MAST4: variants seen among roughly 807,000 people sequenced by gnomAD.
MAST4 encodes the protein microtubule-associated serine/threonine-protein kinase 4.
A neutral mutation model predicts 162.7 loss-of-function variants in MAST4; 89 were observed. The ratio of observed to expected loss-of-function variants is 0.55; its 90% CI spans 0.46 to 0.65. The LOEUF is 0.65. Ranked by LOEUF, MAST4 falls within the 30% of genes least tolerant of loss-of-function variation. The pLI, the probability that MAST4 is intolerant of heterozygous loss-of-function variation, is 0.00. For synonymous variants in MAST4, 1,479 were observed against 1,361.1 expected, an observed-to-expected ratio of 1.09 and a Z score of -1.91; for missense variants, 3,153 against 3,374.0, an observed-to-expected ratio of 0.93 and a Z score of 1.62.
At chr5:66,870,671 C>T (rs1238645713) in intron 3 of MAST4, 17 of 397,368 alleles carry the variant, frequency 4.3e-5, no homozygotes, top group South Asian at 1.5e-4. Context: ...AATACAGTGC[C>T]GTTAAACACT....
intron 1 of MAST4, among the ~76,000 whole-genome samples, chr5:66,615,841 C>T (rs1296149293): frequency 1.3e-5 from 2 of 152,194 alleles, no homozygotes; most frequent in Non-Finnish European, 2.9e-5. Flanking sequence ...TCCAGACAGA[C>T]TGAAAAGGAT....
At chr5:67,092,294 G>A (rs1419658724) in intron 6 of MAST4, among the ~76,000 whole-genome samples, 2 of 152,162 alleles carry the variant, frequency 1.3e-5, no homozygotes, top group Non-Finnish European at 2.9e-5. Context: ...TACCTTATGT[G>A]ATAATACTTC....
At chr5:66,716,186 C>G (rs1009083110) in intron 1 of MAST4, among the ~76,000 whole-genome samples, 1 of 152,002 alleles carries the variant, frequency 6.6e-6, no homozygotes, top group Non-Finnish European at 1.5e-5. Context: ...GAAGGTTGTT[C>G]ATGTATTTTA....
At position 66,905,302 on chromosome 5, in the gene MAST4, CAAAAAAAAA is replaced by C. The variant is rs60337775; in HGVS notation, c.674+5338_674+5346del. ...TGGGCAACAGAGTGAAACTCTGTCT[CAAAAAAAAA>C]AAAAAAAAAAAAAAAAATGGGATAT... On this transcript the variant is annotated intron_variant, in intron 4 of 28. Coordinates refer to ENST00000403625, the MANE Select transcript of MAST4 (RefSeq NM_001164664.2). Among the ~76,000 whole-genome samples the C allele has an allele frequency of 1.7e-4, 13 of 78,448 alleles. No individual in the cohort carries two copies. The South Asian group carries it at 2.2e-3, about 13-fold the overall frequency. The allele number at this position is 78,448 out of a possible 152,430, so 51.5% of individuals were successfully genotyped here.
At chr5:67,093,085 T>C (rs1200465486) in intron 6 of MAST4, among the ~76,000 whole-genome samples, 2 of 152,204 alleles carry the variant, frequency 1.3e-5, no homozygotes, top group Non-Finnish European at 2.9e-5. Context: ...AATAGCCAGG[T>C]TGATACTGGA....
At chr5:66,761,593 G>C (rs537535706) in intron 2 of MAST4, among the ~76,000 whole-genome samples, 153 of 146,856 alleles carry the variant, frequency 1.0e-3, no homozygotes, top group South Asian at 4.3e-3. Flanking sequence ...TATGGATTTT[G>C]ACGTTTTGAA....
intron 3 of MAST4, among the ~76,000 whole-genome samples, chr5:66,885,008 G>A (rs1761946356): frequency 1.3e-5 from 2 of 152,290 alleles, no homozygotes; most frequent in South Asian, 2.1e-4. Context: ...CTGCTTCGAC[G>A]GAGTGTTATG....
At chr5:67,088,214 G>T (rs556466673) in intron 5 of MAST4, among the ~76,000 whole-genome samples, 2 of 152,108 alleles carry the variant, frequency 1.3e-5, no homozygotes, top group African/African-American at 4.8e-5. Flanking sequence ...AGTTGATCAC[G>T]TTGTAATCTC....
chr5:66,798,964 C>A (rs964747642), intron 3 of MAST4, among the ~76,000 whole-genome samples: 1 of 152,060 alleles, frequency 6.6e-6, no homozygotes, highest in Non-Finnish European at 1.5e-5. Flanking sequence ...ATACTTTGTA[C>A]CCCCTTTTTA....
intron 3 of MAST4, among the ~76,000 whole-genome samples, chr5:66,887,023 A>G (rs1163275250): frequency 6.6e-6 from 1 of 152,112 alleles, no homozygotes; most frequent in East Asian, 1.9e-4. Flanking sequence ...AAAACCCCAG[A>G]GCCTTTTATT....
At chr5:67,057,800 A>T (rs779886543) in intron 5 of MAST4, among the ~76,000 whole-genome samples, 1 of 152,122 alleles carries the variant, frequency 6.6e-6, no homozygotes, top group Non-Finnish European at 1.5e-5. Context: ...CCCATGACTG[A>T]TTGCCAGTTT....
intron 3 of MAST4, among the ~76,000 whole-genome samples, chr5:66,812,466 G>A (rs1269823514): frequency 6.6e-6 from 1 of 152,200 alleles, no homozygotes; most frequent in Non-Finnish European, 1.5e-5. Flanking sequence ...ACTTAGAGAG[G>A]TGGGTTATCT....
chr5:67,133,282 C>G (rs1051994032), intron 16 of MAST4, among the ~76,000 whole-genome samples: 1 of 151,978 alleles, frequency 6.6e-6, no homozygotes, highest in Non-Finnish European at 1.5e-5. Flanking sequence ...GCTGCTCCAA[C>G]AAAGATTAGC....
At chr5:67,157,636 G>T (rs562805908) in intron 26 of MAST4, among the ~76,000 whole-genome samples, 1 of 152,330 alleles carries the variant, frequency 6.6e-6, no homozygotes, top group African/African-American at 2.4e-5. Flanking sequence ...GAGATGGAGA[G>T]GACTGGGGGG....
chr5:66,732,217 T>C (rs1193896729), intron 1 of MAST4, among the ~76,000 whole-genome samples: 2 of 152,122 alleles, frequency 1.3e-5, no homozygotes, highest in Admixed American at 6.5e-5. Context: ...TCAGCACTGG[T>C]TAGAAGACTA....
At position 67,142,423 on chromosome 5, in the gene MAST4, C is replaced by T; in HGVS notation, c.2620C>T (p.Arg874Trp). 1 of 1,590,902 alleles carries T rather than the reference C, an allele frequency of 6.3e-7. No homozygotes were observed. The highest frequency in any genetic ancestry group is 8.6e-7 in the Non-Finnish European group (1 of 1,167,008). ...SEDDTSYFDTRSEKYHHMETE... is the reference protein window; with the variant it reads ...SEDDTSYFDTWSEKYHHMETE... ...TGTTCCCAAACATTTCACTGCAGCTCGGTCTGAGAAGTATCATCATATGGA... is the reference window on the plus strand; with the variant it reads ...TGTTCCCAAACATTTCACTGCAGCTTGGTCTGAGAAGTATCATCATATGGA... The change falls in exon 21 of 29, where the codon CGG becomes TGG. Residue 874 changes from arginine (R) to tryptophan (W), a missense_variant and splice_region_variant. Coordinates refer to ENST00000403625, the MANE Select transcript of MAST4 (RefSeq NM_001164664.2).
intron 3 of MAST4, among the ~76,000 whole-genome samples, chr5:66,816,251 T>C (rs1454730287): frequency 6.6e-6 from 1 of 152,044 alleles, no homozygotes; most frequent in Non-Finnish European, 1.5e-5. Context: ...GCTCATCAGC[T>C]ATTGTTAGTG....
At chr5:66,815,656 T>C (rs1362896591) in intron 3 of MAST4, among the ~76,000 whole-genome samples, 2 of 152,232 alleles carry the variant, frequency 1.3e-5, no homozygotes. Flanking sequence ...GATTTTATTT[T>C]ATTTTTCCCC....
In MAST4 at chr5:66,899,876, C is replaced by T. The variant is rs570642559; in HGVS notation, c.643-75C>T. ...GCGTAATGAAGGATGATACATTCTA[C>T]GTTATCCATTTGGTATCCTAGTAAT... On this transcript the variant is annotated intron_variant, in intron 3 of 28. Coordinates refer to ENST00000403625, the MANE Select transcript of MAST4 (RefSeq NM_001164664.2). The T allele has an allele frequency of 6.9e-5, 80 of 1,165,108 alleles. No homozygotes were observed. The South Asian group carries it at 7.1e-4, about 10-fold the overall frequency. 72.2% of individuals were successfully genotyped at this position (1,165,108 alleles called of 1,614,324 possible).
Sources: allele counts gnomAD v4.1 joint callset (sites outside exome capture counted in the v4.1 genomes callset), GRCh38; gene constraint gnomAD v4.1.1; transcripts MANE v1.5; gene names NCBI Gene and HGNC (gene_info 2026-07-23, HGNC 2026-07-21).